Variants in PRKG1 observed in about 807,000 individuals in gnomAD.
PRKG1 encodes the protein cGMP-dependent protein kinase 1.
In PRKG1, 35 loss-of-function variants were observed where a neutral mutation model predicts 88.1. The ratio of observed to expected loss-of-function variants is 0.40; its 90% confidence interval spans 0.30 to 0.53. PRKG1 has a LOEUF of 0.53. Among genes scored for constraint, PRKG1 ranks in the 20% least tolerant of loss-of-function variants. The pLI is 0.59. For missense variants in PRKG1, 540 were observed against 839.8 expected, an observed-to-expected ratio of 0.64 and a Z score of 4.41; for synonymous variants, 303 against 292.5, an observed-to-expected ratio of 1.04 and a Z score of -0.37.
intron 2 of PRKG1, among the ~76,000 whole-genome samples, chr10:51,347,541 C>T (rs1773686680): frequency 6.6e-6 from 1 of 151,856 alleles, no homozygotes. Context: ...CTGGTAATGC[C>T]ATTTTTAGTG....
chr10:51,870,945 C>A (rs1841141405), intron 4 of PRKG1, among the ~76,000 whole-genome samples: 1 of 152,206 alleles, frequency 6.6e-6, no homozygotes, highest in Non-Finnish European at 1.5e-5. Flanking sequence ...CACTCTTCAA[C>A]CACTTTACCC....
intron 9 of PRKG1, among the ~76,000 whole-genome samples, chr10:52,181,286 C>T (rs1229023194): frequency 6.6e-6 from 1 of 151,978 alleles, no homozygotes; most frequent in Non-Finnish European, 1.5e-5. Flanking sequence ...CTGGGGGTGG[C>T]CTGGGACATG....
chr10:51,957,007 TTC>T (rs994075274), intron 5 of PRKG1, among the ~76,000 whole-genome samples: 10 of 150,736 alleles, frequency 6.6e-5, no homozygotes, highest in African/African-American at 9.7e-5. Context: ...TTCTCTTTCT[TTC>T]TCTCTCTCTC....
chr10:51,172,640 G>GTATC (rs1837070312), intron 2 of PRKG1, among the ~76,000 whole-genome samples: 1 of 92,644 alleles, frequency 1.1e-5, no homozygotes, highest in East Asian at 3.0e-4. Context: ...ATGTATGTAT[G>GTATC]TATGTATGTA....
At chr10:51,151,634 C>A (rs936009553) in intron 1 of PRKG1, among the ~76,000 whole-genome samples, 2 of 151,370 alleles carry the variant, frequency 1.3e-5, no homozygotes, top group African/African-American at 4.9e-5. Flanking sequence ...TTGTATCCTG[C>A]ATTTTCACTT....
At chr10:51,804,316 C>T (rs544853914) in intron 3 of PRKG1, among the ~76,000 whole-genome samples, 19 of 152,132 alleles carry the variant, frequency 1.2e-4, no homozygotes, top group African/African-American at 4.6e-4. Context: ...GACAATCAAC[C>T]CCCAAGGGTC....
At chr10:51,669,749 C>A (rs1389479515) in intron 3 of PRKG1, among the ~76,000 whole-genome samples, 2 of 152,092 alleles carry the variant, frequency 1.3e-5, no homozygotes, top group South Asian at 2.1e-4. Flanking sequence ...ATGGTTGATA[C>A]CTTTTTTAAA....
chr10:52,038,821 G>A (rs1002840968), intron 5 of PRKG1, among the ~76,000 whole-genome samples: 6 of 152,238 alleles, frequency 3.9e-5, no homozygotes, highest in African/African-American at 9.6e-5. Context: ...TTGGGTCCAC[G>A]GATAAAAACA....
Position 52,199,083 on chromosome 10 carries a change from C to T in PRKG1, c.1076+37120C>T, listed in dbSNP as rs777559893. ...AAGGATGAGATTGGATTCCAACCATCCTTGCTCTTTCTTTTTTTTTCCCGA... is the reference window on the plus strand; with the variant it reads ...AAGGATGAGATTGGATTCCAACCATTCTTGCTCTTTCTTTTTTTTTCCCGA... On this transcript the variant is annotated intron_variant, in intron 9 of 17. Coordinates refer to ENST00000373980, the MANE Select transcript of PRKG1 (RefSeq NM_006258.4). Among the ~76,000 whole-genome samples the T allele has an allele frequency of 3.6e-3, 162 of 44,522 alleles. 4 individuals are homozygous for T. Among genetic ancestry groups the T allele is most frequent in the Non-Finnish European group, 6.4e-4 (15 of 23,510 alleles). The allele number at this position is 44,522 out of a possible 152,430, so 29.2% of individuals were successfully genotyped here.
intron 3 of PRKG1, chr10:51,697,837 T>C (rs1241731501): frequency 6.2e-7 from 1 of 1,614,128 alleles, no homozygotes; most frequent in Non-Finnish European, 8.5e-7. Flanking sequence ...CCTGATCCTG[T>C]GGAGTGACCT....
At chr10:51,098,520 T>C (rs555772836) in intron 1 of PRKG1, among the ~76,000 whole-genome samples, 2 of 152,286 alleles carry the variant, frequency 1.3e-5, no homozygotes, top group South Asian at 2.1e-4. Context: ...GACAGGTCAC[T>C]GAATATGGCG....
intron 3 of PRKG1, among the ~76,000 whole-genome samples, chr10:51,732,156 C>T (rs1462342000): frequency 2.0e-5 from 3 of 152,010 alleles, no homozygotes; most frequent in Non-Finnish European, 4.4e-5. Flanking sequence ...GCCTTCTGGG[C>T]TCAAGTGATC....
At chr10:51,771,121 C>G (rs1251228867) in intron 3 of PRKG1, among the ~76,000 whole-genome samples, 3 of 152,088 alleles carry the variant, frequency 2.0e-5, no homozygotes, top group Non-Finnish European at 4.4e-5. Context: ...GGTGCAAAAG[C>G]AGTTGCGAGT....
chr10:52,206,451 A>T (rs565419460), intron 9 of PRKG1, among the ~76,000 whole-genome samples: 39 of 152,292 alleles, frequency 2.6e-4, no homozygotes, highest in African/African-American at 9.1e-4. Context: ...TTGCTTGGGA[A>T]CTAGTGCAGT....
At chr10:51,197,695 A>T (rs1414343015) in intron 2 of PRKG1, among the ~76,000 whole-genome samples, 1 of 151,950 alleles carries the variant, frequency 6.6e-6, no homozygotes, top group Non-Finnish European at 1.5e-5. Flanking sequence ...CAAATCATTA[A>T]AAGGCTATCT....
chr10:52,272,330 A>T, intron 11 of PRKG1, 62 bp from the exon 12 acceptor site: 1 of 1,335,736 alleles, frequency 7.5e-7, no homozygotes, highest in South Asian at 1.3e-5. Flanking sequence ...GCCCCCCAAA[A>T]TTGCACACTT....
intron 2 of PRKG1, among the ~76,000 whole-genome samples, chr10:51,277,758 T>C (rs1226009710): frequency 6.6e-6 from 1 of 152,204 alleles, no homozygotes; most frequent in Non-Finnish European, 1.5e-5. Flanking sequence ...GCTCTCTGCC[T>C]GTTATTGGTG....
chr10:51,742,293 A>T (rs1206456069), intron 3 of PRKG1, among the ~76,000 whole-genome samples: 1 of 152,204 alleles, frequency 6.6e-6, no homozygotes, highest in Non-Finnish European at 1.5e-5. Flanking sequence ...TTAATATCTG[A>T]GGACCTGCTT....
intron 2 of PRKG1, among the ~76,000 whole-genome samples, chr10:51,412,115 C>G (rs979775093): frequency 6.7e-6 from 1 of 149,462 alleles, no homozygotes; most frequent in Non-Finnish European, 1.5e-5. Context: ...ATGGATTCTA[C>G]CAGGTTAAAC....
Sources: allele counts gnomAD v4.1 joint callset (sites outside exome capture counted in the v4.1 genomes callset), GRCh38; gene constraint gnomAD v4.1.1; transcripts MANE v1.5; gene names NCBI Gene and HGNC (gene_info 2026-07-23, HGNC 2026-07-21).